MKLN1: variants seen among roughly 807,000 people sequenced by gnomAD.
MKLN1 encodes muskelin 1, also known as muskelin.
Under a neutral mutation model 99.0 loss-of-function variants are expected in MKLN1, and 18 were observed. That is an observed-to-expected ratio of 0.18 (90% CI 0.13 to 0.27). The LOEUF (loss-of-function observed/expected upper bound fraction) is 0.27. MKLN1 is among the 10% of genes least tolerant of loss of function. The pLI is 1.00. For synonymous variants in MKLN1, 288 were observed against 293.2 expected, an observed-to-expected ratio of 0.98 and a Z score of 0.18; for missense variants, 621 against 875.9, an observed-to-expected ratio of 0.71 and a Z score of 3.67.
At chr7:131,317,765 CAAAAA>C (rs146525048) in intron 3 of MKLN1, among the ~76,000 whole-genome samples, 2 of 49,978 alleles carry the variant, frequency 4.0e-5, no homozygotes, top group East Asian at 5.9e-4. Flanking sequence ...AAATGGAAAG[CAAAAA>C]AAAAAAAAAA....
intron 12 of MKLN1, among the ~76,000 whole-genome samples, chr7:131,454,311 A>G (rs1425730391): frequency 1.3e-5 from 2 of 152,216 alleles, no homozygotes; most frequent in African/African-American, 4.8e-5. Context: ...TGGTTGATCC[A>G]TTCAAAGAGT....
chr7:131,402,699 A>G (rs1201864472), intron 6 of MKLN1, among the ~76,000 whole-genome samples: 1 of 152,226 alleles, frequency 6.6e-6, no homozygotes, highest in East Asian at 1.9e-4. Flanking sequence ...TGAAAACATT[A>G]ATATTCCTGT....
intron 3 of MKLN1, among the ~76,000 whole-genome samples, chr7:131,248,491 C>T (rs142129683): frequency 7.5e-4 from 114 of 152,274 alleles, no homozygotes; most frequent in African/African-American, 2.7e-3. Context: ...TGCCAAGCAC[C>T]GTGCTAAGTG....
At chr7:131,428,703 C>T in intron 8 of MKLN1, among the ~76,000 whole-genome samples, 1 of 152,140 alleles carries the variant, frequency 6.6e-6, no homozygotes, top group Non-Finnish European at 1.5e-5. Flanking sequence ...AAACCAGCTG[C>T]ACGTTAAATT....
At chr7:131,390,609 A>G (rs1467407336) in intron 4 of MKLN1, among the ~76,000 whole-genome samples, 2 of 152,160 alleles carry the variant, frequency 1.3e-5, no homozygotes. Flanking sequence ...ATGTTTTGAC[A>G]TATGAATACA....
chr7:131,173,441 G>A lies in MKLN1; in HGVS notation c.-296-29416G>A, dbSNP rs114623622. The stretch of plus-strand genomic sequence containing the variant: ...GCTTTATAAAAACATAGTCTTGGCC[G>A]GGCGTGGTGGCTCACGCCCATAATC... On this transcript the variant is annotated intron_variant, in intron 2 of 7. Coordinates refer to the MKLN1 transcript ENST00000416992. Among the ~76,000 whole-genome samples, 1,046 of 152,250 alleles carry A rather than the reference G, an allele frequency of 6.9e-3. 15 individuals are homozygous for A. Among genetic ancestry groups the A allele is most frequent in the African/African-American group, 0.024 (981 of 41,530 alleles).
chr7:131,321,229 C>A (rs147025042), intron 3 of MKLN1, among the ~76,000 whole-genome samples: 2,606 of 146,008 alleles, frequency 0.018, 53 homozygotes, highest in African/African-American at 0.059. Context: ...CACATAAACA[C>A]CATGGAATAC....
At chr7:131,278,836 G>T (rs1428773206) in intron 3 of MKLN1, among the ~76,000 whole-genome samples, 1 of 152,130 alleles carries the variant, frequency 6.6e-6, no homozygotes, top group Non-Finnish European at 1.5e-5. Flanking sequence ...CTGGCCTCAA[G>T]AGATCCTCCC....
At chr7:131,182,005 G>A (rs959878047) in intron 2 of MKLN1, among the ~76,000 whole-genome samples, 5 of 152,056 alleles carry the variant, frequency 3.3e-5, no homozygotes, top group Admixed American at 1.3e-4. Context: ...GTGGTGGTGC[G>A]TGCCTGTAAT....
intron 1 of MKLN1, among the ~76,000 whole-genome samples, chr7:131,371,926 G>T (rs1435593903): frequency 6.6e-6 from 1 of 151,834 alleles, no homozygotes; most frequent in Non-Finnish European, 1.5e-5. Context: ...TAGAGACAGG[G>T]TCTCTCCCTG....
At chr7:131,161,261 C>G (rs866283236) in intron 2 of MKLN1, among the ~76,000 whole-genome samples, 2 of 152,216 alleles carry the variant, frequency 1.3e-5, no homozygotes, top group Non-Finnish European at 2.9e-5. Flanking sequence ...GTAGAATTCT[C>G]TATGCCTAGC....
intron 2 of MKLN1, among the ~76,000 whole-genome samples, chr7:131,155,502 AT>A (rs752113310): frequency 1.3e-3 from 198 of 152,112 alleles, no homozygotes; most frequent in Non-Finnish European, 2.1e-3. Context: ...AATTCCTGGG[AT>A]TTTTTATTGT....
chr7:131,219,234 T>TAAA (rs5887501), intron 3 of MKLN1, among the ~76,000 whole-genome samples: 3,113 of 150,154 alleles, frequency 0.021, 61 homozygotes, highest in African/African-American at 0.058. Flanking sequence ...TTAAAAATGT[T>TAAA]AAAAAAAAAA....
intron 3 of MKLN1, among the ~76,000 whole-genome samples, chr7:131,262,142 A>C (rs571941645): frequency 6.6e-6 from 1 of 152,164 alleles, no homozygotes; most frequent in Non-Finnish European, 1.5e-5. Context: ...ATTTTTTTTT[A>C]AAGAATAACT....
chr7:131,353,559 C>T (rs1799781830), intron 1 of MKLN1, among the ~76,000 whole-genome samples: 1 of 151,996 alleles, frequency 6.6e-6, no homozygotes, highest in Non-Finnish European at 1.5e-5. Flanking sequence ...AATACGTTCT[C>T]CCAGTCTTTA....
At chr7:131,273,897 C>T (rs1287774282) in intron 3 of MKLN1, among the ~76,000 whole-genome samples, 4 of 152,126 alleles carry the variant, frequency 2.6e-5, no homozygotes, top group Admixed American at 6.6e-5. Context: ...TGAGCCACCG[C>T]GCCCAGCCTG....
intron 2 of MKLN1, among the ~76,000 whole-genome samples, chr7:131,193,072 G>A (rs1796591079): frequency 6.6e-6 from 1 of 152,122 alleles, no homozygotes. Flanking sequence ...ATTCTAATAT[G>A]CTAACTTCCA....
intron 1 of MKLN1, among the ~76,000 whole-genome samples, chr7:131,342,588 A>G (rs1422212450): frequency 1.3e-5 from 2 of 152,224 alleles, no homozygotes; most frequent in Non-Finnish European, 2.9e-5. Flanking sequence ...CAGGTTTTTT[A>G]AAAACAAATT....
intron 3 of MKLN1, among the ~76,000 whole-genome samples, chr7:131,270,339 C>A (rs1179228580): frequency 6.6e-6 from 1 of 152,214 alleles, no homozygotes; most frequent in African/African-American, 2.4e-5. Flanking sequence ...TCTCCTGCCT[C>A]AGCCTCCCAA....
Sources: gnomAD v4.1 joint callset for allele counts (sites outside exome capture counted in the v4.1 genomes callset) on GRCh38, gnomAD v4.1.1 for gene constraint, MANE v1.5 for transcripts, NCBI Gene and HGNC (gene_info 2026-07-23, HGNC 2026-07-21) for gene names.